The following CSMD1 variants were observed in gnomAD, a reference collection of about 807,000 sequenced individuals.
CSMD1 encodes CUB and sushi domain-containing protein 1.
Under a neutral mutation model 417.5 loss-of-function variants are expected in CSMD1, and 213 were observed. That is an observed-to-expected ratio of 0.51 (90% CI 0.46 to 0.57). The LOEUF (loss-of-function observed/expected upper bound fraction) is 0.57, where lower values mean the gene tolerates loss of function less well. CSMD1 is among the 20% of genes least tolerant of loss of function. CSMD1 has a pLI of 0.00. For missense variants in CSMD1, 6,923 were observed against 4,529.7 expected, an observed-to-expected ratio of 1.53 and a Z score of -15.17; for synonymous variants, 2,862 against 1,736.8, an observed-to-expected ratio of 1.65 and a Z score of -16.11.
intron 1 of CSMD1, among the ~76,000 whole-genome samples, chr8:4,689,458 A>C (rs1285003808): frequency 3.9e-5 from 6 of 152,322 alleles, no homozygotes; most frequent in Non-Finnish European, 8.8e-5. Flanking sequence ...TTATATTAGA[A>C]GGATTTGTGG....
At chr8:4,663,160 C>G (rs993823945) in intron 1 of CSMD1, among the ~76,000 whole-genome samples, 1 of 152,090 alleles carries the variant, frequency 6.6e-6, no homozygotes, top group African/African-American at 2.4e-5. Context: ...CTCTGGAAAC[C>G]CACTGGATCA....
chr8:4,319,402 G>T (rs569995722), intron 3 of CSMD1, among the ~76,000 whole-genome samples: 3 of 151,954 alleles, frequency 2.0e-5, no homozygotes, highest in Non-Finnish European at 4.4e-5. Context: ...GCCCATAATC[G>T]ATACGTGAGC....
intron 5 of CSMD1, among the ~76,000 whole-genome samples, chr8:3,801,787 G>T (rs999979295): frequency 6.6e-6 from 1 of 152,058 alleles, no homozygotes; most frequent in Non-Finnish European, 1.5e-5. Context: ...GCATTTTACG[G>T]GTCATTAAAA....
In CSMD1 at chr8:4,543,671, GAAAAAAAAAAA is replaced by G. The variant is rs35739254; in HGVS notation, c.302+93660_302+93670del. Among the ~76,000 whole-genome samples the G allele has an allele frequency of 2.0e-3, 116 of 57,334 alleles. 1 individual carries two copies. The highest frequency in any genetic ancestry group is 7.1e-3 in the African/African-American group (108 of 15,314). The allele number at this position is 57,334 out of a possible 152,430, so 37.6% of individuals were successfully genotyped here. ...ATATGGGAAGGACACGTTTAATTTT[GAAAAAAAAAAA>G]AAAAAAAAAAAAAAAAAACCCACAC... On this transcript the variant is annotated intron_variant, in intron 2 of 69. Coordinates refer to ENST00000635120, the MANE Select transcript of CSMD1 (RefSeq NM_033225.6).
At position 2,936,385 on chromosome 8, in the gene CSMD1, A is replaced by ATATC. The variant is rs1554465604; in HGVS notation, c.*2199_*2200insGATA. ...AGATATGTACAATATATATATATAT[A>ATATC]TATGTATGTATATATATACACTAAT... On this transcript the variant is annotated 3_prime_UTR_variant, in exon 70 of 70. Coordinates refer to ENST00000635120, the MANE Select transcript of CSMD1 (RefSeq NM_033225.6). The ATATC allele has an allele frequency of 3.3e-5, 5 of 150,578 alleles. No individual in the cohort carries two copies. In the Admixed American group the frequency reaches 3.3e-4, roughly 10 times the overall value. 9.3% of individuals were successfully genotyped at this position (150,578 alleles called of 1,614,324 possible).
At chr8:3,848,089 C>CTGTCTA in intron 5 of CSMD1, among the ~76,000 whole-genome samples, 1 of 151,740 alleles carries the variant, frequency 6.6e-6, no homozygotes, top group East Asian at 1.9e-4. Flanking sequence ...CTCTCTCTCT[C>CTGTCTA]TAAATATATA....
intron 3 of CSMD1, among the ~76,000 whole-genome samples, chr8:4,076,784 C>A (rs1057316537): frequency 2.6e-5 from 4 of 152,142 alleles, no homozygotes; most frequent in Non-Finnish European, 5.9e-5. Flanking sequence ...GAACAACAAC[C>A]ATATCAGAGT....
chr8:4,031,997 G>T lies in CSMD1; in HGVS notation c.518C>A (p.Pro173His), dbSNP rs746282615. 1.4e-5 allele frequency: 22 copies of T among 1,613,958 alleles called. No individual in the cohort carries two copies. The East Asian group carries it at 3.8e-4, about 28-fold the overall frequency. ...IGDKIRYSCLPGYILEGHAIL... is the reference protein window; with the variant it reads ...IGDKIRYSCLHGYILEGHAIL... ...GGCGTGGCCTTCCAAGATGTAGCCA[G>T]GGAGGCAGCTGTACCGGATTTTGTC... Residue 173 changes from proline to histidine, a missense_variant, in exon 4 of 70, where the codon CCT (proline) becomes CAT (histidine). By Grantham distance (77) the Pro-to-His change is moderately conservative. Transcript: ENST00000635120.
intron 5 of CSMD1, among the ~76,000 whole-genome samples, chr8:3,910,726 A>T (rs184450665): frequency 1.2e-4 from 18 of 152,324 alleles, no homozygotes; most frequent in African/African-American, 4.3e-4. Flanking sequence ...TTAAGGATAT[A>T]AAAACACAAC....
chr8:4,190,440 C>CCTAACACTA (rs1798954807), intron 3 of CSMD1, among the ~76,000 whole-genome samples: 1 of 151,828 alleles, frequency 6.6e-6, no homozygotes, highest in Non-Finnish European at 1.5e-5. Context: ...ATGTGAATTG[C>CCTAACACTA]TTAGAATAAT....
At chr8:3,300,806 A>G (rs1292971616) in intron 25 of CSMD1, among the ~76,000 whole-genome samples, 1 of 149,782 alleles carries the variant, frequency 6.7e-6, no homozygotes, top group Non-Finnish European at 1.5e-5. Context: ...AAATACAAAA[A>G]AAATTAGCTG....
rs564481897 is a variant in CSMD1, at chr8:3,967,209, C to T, written c.818+30694G>A. ...TAACTTGATTCTCTCTACTGCTTTG[C>T]TCTTCCCCACTTCAGCTATTTTCCT... On this transcript the variant is annotated intron_variant, in intron 5 of 69. Transcript: ENST00000635120. 4.0e-5 allele frequency among the ~76,000 whole-genome samples: 6 copies of T among 151,876 alleles called. No homozygotes were observed. The South Asian group carries it at 1.0e-3, about 26-fold the overall frequency.
chr8:3,633,443 C>A (rs575721910), intron 7 of CSMD1, among the ~76,000 whole-genome samples: 63 of 152,254 alleles, frequency 4.1e-4, no homozygotes, highest in Non-Finnish European at 7.4e-4. Flanking sequence ...CAGGATAATG[C>A]AAATAATATC....
At chr8:4,571,014 C>T (rs976739903) in intron 2 of CSMD1, among the ~76,000 whole-genome samples, 2 of 151,852 alleles carry the variant, frequency 1.3e-5, no homozygotes, top group Non-Finnish European at 2.9e-5. Flanking sequence ...TTTATCATGT[C>T]TATTTGATTC....
intron 2 of CSMD1, among the ~76,000 whole-genome samples, chr8:4,573,307 T>C (rs934692324): frequency 3.3e-5 from 5 of 152,196 alleles, no homozygotes; most frequent in African/African-American, 7.2e-5. Flanking sequence ...GATTTTCGCA[T>C]GGGCATCCTT....
At position 4,902,253 on chromosome 8, in the gene CSMD1, C is replaced by T. The variant is rs999247082; in HGVS notation, c.85+92079G>A. Reference sequence around the variant, plus strand: ...AGCAAGACTCCATCCATTAAAAAGACAAAACATCTCGCTCTATCTATTAAA... The same window carrying T: ...AGCAAGACTCCATCCATTAAAAAGATAAAACATCTCGCTCTATCTATTAAA... On this transcript the variant is annotated intron_variant, in intron 1 of 69. Transcript: ENST00000635120. 3.3e-5 allele frequency among the ~76,000 whole-genome samples: 5 copies of T among 149,378 alleles called. No individual in the cohort carries two copies. The East Asian group carries it at 1.0e-3, about 30-fold the overall frequency.
rs556155189 is a variant in CSMD1, at chr8:3,524,983, A to C, written c.1345-31257T>G. On this transcript the variant is annotated intron_variant, in intron 10 of 69. Transcript: ENST00000635120. Reference sequence around the variant, plus strand: ...CTGTACACTCATTAGGCACCCCAGGAAAAATGATAATGTATGTATCATCAA... The same window carrying C: ...CTGTACACTCATTAGGCACCCCAGGCAAAATGATAATGTATGTATCATCAA... Among the ~76,000 whole-genome samples, 73 of 152,320 alleles carry C rather than the reference A, an allele frequency of 4.8e-4. No homozygotes were observed. In the South Asian group the frequency reaches 0.014, roughly 29 times the overall value.
intron 2 of CSMD1, among the ~76,000 whole-genome samples, chr8:4,444,306 G>T (rs934009846): frequency 4.1e-5 from 5 of 123,166 alleles, no homozygotes; most frequent in Non-Finnish European, 8.0e-5. Context: ...GAGATCTCGC[G>T]ACTTCACTCA....
chr8:3,599,042 A>T (rs537438283), intron 8 of CSMD1, among the ~76,000 whole-genome samples: 4 of 151,900 alleles, frequency 2.6e-5, no homozygotes, highest in Admixed American at 6.6e-5. Context: ...GCTTGCAACA[A>T]TGCACTCCAG....
Sources: allele counts gnomAD v4.1 joint callset (sites outside exome capture counted in the v4.1 genomes callset), GRCh38; gene constraint gnomAD v4.1.1; transcripts MANE v1.5; gene names NCBI Gene and HGNC (gene_info 2026-07-23, HGNC 2026-07-21).